The following COG5 variants were observed in gnomAD, a reference collection of about 807,000 sequenced individuals.
The protein encoded by COG5 is conserved oligomeric Golgi complex subunit 5.
In COG5, 86 loss-of-function variants were observed where a neutral mutation model predicts 110.4. The ratio of observed to expected loss-of-function variants is 0.78; its 90% confidence interval spans 0.65 to 0.93. The LOEUF is 0.93. Ranked by LOEUF, COG5 falls within the 40% of genes least tolerant of loss-of-function variation. COG5 has a pLI of 0.00. For missense variants in COG5, 1,077 were observed against 987.0 expected, an observed-to-expected ratio of 1.09 and a Z score of -1.22; for synonymous variants, 360 against 334.6, an observed-to-expected ratio of 1.08 and a Z score of -0.83.
chr7:107,359,698 A>C (rs958260626), intron 10 of COG5, among the ~76,000 whole-genome samples: 13 of 152,220 alleles, frequency 8.5e-5, no homozygotes, highest in African/African-American at 3.1e-4. Flanking sequence ...AGACGACAGG[A>C]CTATCTGCCT....
chr7:107,387,675 G>T (rs776829357), intron 7 of COG5, among the ~76,000 whole-genome samples: 1 of 152,144 alleles, frequency 6.6e-6, no homozygotes, highest in South Asian at 2.1e-4. Flanking sequence ...GTTAAAAACC[G>T]GATGATAAAC....
intron 3 of COG5, among the ~76,000 whole-genome samples, chr7:107,549,462 C>T (rs564251756): frequency 6.6e-6 from 1 of 152,170 alleles, no homozygotes; most frequent in South Asian, 2.1e-4. Flanking sequence ...CTTGATCCCC[C>T]CTCACTGCAT....
Position 107,501,479 on chromosome 7 carries a change from T to C in COG5, c.538+25758A>G, listed in dbSNP as rs556793565. Reference sequence around the variant, plus strand: ...ATGAAACAGAACACATATCTAGAAATGCTTGCAACTTTAAAATGTACGAAA... The same window carrying C: ...ATGAAACAGAACACATATCTAGAAACGCTTGCAACTTTAAAATGTACGAAA... On this transcript the variant is annotated intron_variant, in intron 6 of 21. Transcript: ENST00000297135. 6.0e-4 allele frequency among the ~76,000 whole-genome samples: 92 copies of C among 152,098 alleles called. 2 individuals are homozygous for C. The South Asian group carries it at 9.5e-3, about 16-fold the overall frequency.
At chr7:107,468,394 T>A (rs1796429332) in intron 6 of COG5, among the ~76,000 whole-genome samples, 1 of 152,044 alleles carries the variant, frequency 6.6e-6, no homozygotes, top group African/African-American at 2.4e-5. Context: ...GTCTTAGTTT[T>A]AAGCTTAAAT....
chr7:107,375,588 T>A (rs942932847), intron 7 of COG5, among the ~76,000 whole-genome samples: 3 of 152,072 alleles, frequency 2.0e-5, no homozygotes, highest in Admixed American at 6.5e-5. Context: ...ATTTCTATGA[T>A]GACTAAAAAA....
Position 107,458,736 on chromosome 7 carries a change from G to C in COG5, c.539-46104C>G, listed in dbSNP as rs112542547. Among the ~76,000 whole-genome samples the C allele has an allele frequency of 8.1e-3, 1,235 of 152,200 alleles. 15 individuals carry two copies. The highest frequency in any genetic ancestry group is 0.028 in the African/African-American group (1,180 of 41,532). On this transcript the variant is annotated intron_variant, in intron 6 of 21. Transcript: ENST00000297135. ...TAGCCAGGTGTGGTGGTAAGTGCTTGTAGTTTCAGCTACTCAGGAGGCTGA... is the reference window on the plus strand; with the variant it reads ...TAGCCAGGTGTGGTGGTAAGTGCTTCTAGTTTCAGCTACTCAGGAGGCTGA...
chr7:107,311,370 A>ATTTTTTTT lies in COG5; in HGVS notation c.1109-13032_1109-13025dup, dbSNP rs71134260. ...TATAAGTGATATCGAGCGTATTTACATTTTTTTTTTTTTTTTTTTTTTTTT... is the reference window on the plus strand; with the variant it reads ...TATAAGTGATATCGAGCGTATTTACATTTTTTTTTTTTTTTTTTTTTTTTTTTTTTTTT... On this transcript the variant is annotated intron_variant, in intron 11 of 21. Coordinates refer to ENST00000297135, the MANE Select transcript of COG5 (RefSeq NM_006348.5). 1.0e-3 allele frequency among the ~76,000 whole-genome samples: 60 copies of ATTTTTTTT among 58,946 alleles called. 9 individuals carry two copies. The highest frequency in any genetic ancestry group is 1.5e-3 in the Non-Finnish European group (50 of 32,836). The allele number at this position is 58,946 out of a possible 152,430, so 38.7% of individuals were successfully genotyped here.
intron 7 of COG5, among the ~76,000 whole-genome samples, chr7:107,381,430 T>G (rs2129053161): frequency 6.6e-6 from 1 of 152,346 alleles, no homozygotes; most frequent in East Asian, 1.9e-4. Flanking sequence ...TGTATGGAAT[T>G]TCTAAAATTG....
intron 11 of COG5, among the ~76,000 whole-genome samples, chr7:107,318,876 T>C (rs189437287): frequency 2.6e-5 from 4 of 152,318 alleles, no homozygotes; most frequent in Admixed American, 1.3e-4. Flanking sequence ...ACATAAACAT[T>C]TAGTCCATAA....
chr7:107,506,300 G>A (rs1411215039), intron 6 of COG5, among the ~76,000 whole-genome samples: 1 of 152,174 alleles, frequency 6.6e-6, no homozygotes, highest in Non-Finnish European at 1.5e-5. Flanking sequence ...GTTACCCAGG[G>A]GCAGTGCTTT....
intron 17 of COG5, among the ~76,000 whole-genome samples, chr7:107,246,003 G>A (rs1802025505): frequency 6.6e-6 from 1 of 152,136 alleles, no homozygotes; most frequent in South Asian, 2.1e-4. Context: ...AATGGTACTG[G>A]TACAAAAACA....
chr7:107,518,660 C>A (rs1800115437), intron 6 of COG5, among the ~76,000 whole-genome samples: 1 of 152,092 alleles, frequency 6.6e-6, no homozygotes. Context: ...ATTCATAAAA[C>A]AAGTTCTTAG....
intron 2 of COG5, among the ~76,000 whole-genome samples, chr7:107,554,569 G>C (rs1238299018): frequency 6.6e-6 from 1 of 152,146 alleles, no homozygotes; most frequent in Non-Finnish European, 1.5e-5. Flanking sequence ...TCTTAGCCCT[G>C]TCTTAGTCTG....
At chr7:107,290,133 T>C (rs922744748) in intron 12 of COG5, among the ~76,000 whole-genome samples, 1 of 152,238 alleles carries the variant, frequency 6.6e-6, no homozygotes. Context: ...TGACTGTTCC[T>C]GTACCCTCTT....
At chr7:107,224,761 G>C (rs1003584214) in intron 19 of COG5, among the ~76,000 whole-genome samples, 2 of 152,232 alleles carry the variant, frequency 1.3e-5, no homozygotes, top group Admixed American at 1.3e-4. Context: ...GGACAAAGAC[G>C]GGGTCTCTAT....
chr7:107,270,772 C>T (rs1804194012), intron 14 of COG5, among the ~76,000 whole-genome samples: 1 of 150,462 alleles, frequency 6.6e-6, no homozygotes, highest in Non-Finnish European at 1.5e-5. Flanking sequence ...TAATTGTTTA[C>T]TGTGAATTTG....
rs56971368 is a variant in COG5 at position 107,270,882 on chromosome 7, C to CTTTTTTTT, written c.1575+10410_1575+10417dup. Among the ~76,000 whole-genome samples the CTTTTTTTT allele has an allele frequency of 1.8e-3, 126 of 68,750 alleles. 16 individuals are homozygous for CTTTTTTTT. Among genetic ancestry groups the CTTTTTTTT allele is most frequent in the Non-Finnish European group, 2.6e-3 (100 of 38,998 alleles). The allele number at this position is 68,750 out of a possible 152,430, so 45.1% of individuals were successfully genotyped here. A position where few individuals can be genotyped will look rare whatever the true frequency, so the allele number is the denominator to read the frequency against. On this transcript the variant is annotated intron_variant, in intron 14 of 21. Coordinates refer to ENST00000297135, the MANE Select transcript of COG5 (RefSeq NM_006348.5). ...TTATACTTCATTATCCTAACTAGAA[C>CTTTTTTTT]TTTTTTTTTTTTTTTTTTTTTTTTT...
At chr7:107,410,352 G>C (rs1346055123) in intron 7 of COG5, among the ~76,000 whole-genome samples, 1 of 152,192 alleles carries the variant, frequency 6.6e-6, no homozygotes, top group African/African-American at 2.4e-5. Context: ...AGTAGACCCA[G>C]AGAAGGGGAC....
At chr7:107,536,943 T>C (rs1218123867) in intron 5 of COG5, among the ~76,000 whole-genome samples, 1 of 151,968 alleles carries the variant, frequency 6.6e-6, no homozygotes, top group East Asian at 1.9e-4. Context: ...GAAATATAGA[T>C]CAATGGAACA....
Sources: gnomAD v4.1 joint callset for allele counts (sites outside exome capture counted in the v4.1 genomes callset) on GRCh38, gnomAD v4.1.1 for gene constraint, MANE v1.5 for transcripts, NCBI Gene and HGNC (gene_info 2026-07-23, HGNC 2026-07-21) for gene names.